MTMR12: variants seen among roughly 807,000 people sequenced by gnomAD.
MTMR12 encodes myotubularin-related protein 12.
A neutral mutation model predicts 96.7 loss-of-function variants in MTMR12; 33 were observed. The ratio of observed to expected loss-of-function variants is 0.34; its 90% confidence interval spans 0.26 to 0.46. MTMR12 has a LOEUF of 0.46. MTMR12 is among the 20% of genes least tolerant of loss of function. The pLI is 1.00. For missense variants in MTMR12, 721 were observed against 896.1 expected, an observed-to-expected ratio of 0.80 and a Z score of 2.49; for synonymous variants, 298 against 327.2, an observed-to-expected ratio of 0.91 and a Z score of 0.96.
intron 1 of MTMR12, among the ~76,000 whole-genome samples, chr5:32,282,514 A>C (rs1447832472): frequency 6.6e-6 from 1 of 151,952 alleles, no homozygotes; most frequent in Non-Finnish European, 1.5e-5. Flanking sequence ...TCTGGTTAAC[A>C]CTTCAAAAAA....
intron 13 of MTMR12, among the ~76,000 whole-genome samples, chr5:32,236,732 G>A (rs1261712950): frequency 6.6e-6 from 1 of 150,890 alleles, no homozygotes; most frequent in Non-Finnish European, 1.5e-5. Flanking sequence ...AGCTACTTAA[G>A]AGGCTGAGGC....
Position 32,312,856 on chromosome 5 carries a change from C to G in MTMR12, c.-18G>C. On this transcript the variant is annotated 5_prime_UTR_variant, in exon 1 of 16. Coordinates refer to ENST00000382142, the MANE Select transcript of MTMR12 (RefSeq NM_001040446.3). This position sits in a 1 kb window ranked among gnomAD's most constrained non-coding sequence, Gnocchi z 5.0. ...CCCAGCATACCGCCGCCCTGGGAAG[C>G]AGCGACGCGCGGACGCAGAGGCGGC... The G allele has an allele frequency of 6.6e-7, 1 of 1,516,370 alleles. No homozygotes were observed. The highest frequency in any genetic ancestry group is 8.8e-7 in the Non-Finnish European group (1 of 1,137,220). 93.9% of individuals were successfully genotyped at this position (1,516,370 alleles called of 1,614,324 possible).
chr5:32,307,767 G>A (rs965333171), intron 1 of MTMR12, among the ~76,000 whole-genome samples: 1 of 152,136 alleles, frequency 6.6e-6, no homozygotes, highest in Non-Finnish European at 1.5e-5. Context: ...AGCTCACCGT[G>A]TTTAAAAGCA....
intron 10 of MTMR12, among the ~76,000 whole-genome samples, chr5:32,245,658 C>T (rs1748650274): frequency 6.6e-6 from 1 of 151,942 alleles, no homozygotes; most frequent in Admixed American, 6.6e-5. Flanking sequence ...TGAAACCTTG[C>T]CTCTACTAAA....
chr5:32,229,697 T>C lies in MTMR12; in HGVS notation c.*81A>G. ...TGCCGGGCTAAGGACCCAGCCAGCA[T>C]GAGCTGTAGCGTGACACAAATCCAG... On this transcript the variant is annotated 3_prime_UTR_variant, in exon 16 of 16. Coordinates refer to ENST00000382142, the MANE Select transcript of MTMR12 (RefSeq NM_001040446.3). 1 of 1,358,998 alleles carries C rather than the reference T, an allele frequency of 7.4e-7. No homozygotes were observed. The highest frequency in any genetic ancestry group is 9.7e-7 in the Non-Finnish European group (1 of 1,028,120). 84.2% of individuals were successfully genotyped at this position (1,358,998 alleles called of 1,614,324 possible).
At chr5:32,261,391 T>C (rs1749355582) in intron 7 of MTMR12, among the ~76,000 whole-genome samples, 2 of 152,080 alleles carry the variant, frequency 1.3e-5, no homozygotes, top group African/African-American at 4.8e-5. Flanking sequence ...GCCTTTGCTC[T>C]TACTCCTCCC....
At chr5:32,282,364 T>C (rs1305722482) in intron 1 of MTMR12, among the ~76,000 whole-genome samples, 1 of 151,592 alleles carries the variant, frequency 6.6e-6, no homozygotes, top group African/African-American at 2.4e-5. Context: ...GGGCTTACAG[T>C]GAGCCGAGAT....
chr5:32,271,037 G>C, intron 4 of MTMR12, 90 bp from the exon 5 acceptor site: 3 of 1,387,530 alleles, frequency 2.2e-6, no homozygotes, highest in Non-Finnish European at 2.0e-6. Flanking sequence ...TCAACTTCTA[G>C]GGATACTTCC....
chr5:32,264,409 T>C (rs1749509311), intron 6 of MTMR12, among the ~76,000 whole-genome samples: 1 of 151,800 alleles, frequency 6.6e-6, no homozygotes, highest in Admixed American at 6.6e-5. Flanking sequence ...ATGATGATGA[T>C]AATAGTGCTT....
chr5:32,234,195 C>G (rs528923155), intron 14 of MTMR12, among the ~76,000 whole-genome samples: 39 of 152,272 alleles, frequency 2.6e-4, no homozygotes, highest in African/African-American at 8.9e-4. Flanking sequence ...CGCGAGGCAA[C>G]TGTTGTTTTT....
intron 7 of MTMR12, 160 bp from the exon 8 acceptor site, chr5:32,255,928 T>C (rs1222983618): frequency 1.7e-6 from 1 of 572,062 alleles, no homozygotes; most frequent in Non-Finnish European, 3.1e-6. Flanking sequence ...GCTTTCGGTG[T>C]GGCGTGAAGT....
At chr5:32,299,493 G>C (rs991415900) in intron 1 of MTMR12, among the ~76,000 whole-genome samples, 15 of 152,326 alleles carry the variant, frequency 9.8e-5, no homozygotes, top group Admixed American at 7.8e-4. Flanking sequence ...CAGCTGCAGA[G>C]ACACATGGCA....
intron 3 of MTMR12, 24 bp from the exon 4 acceptor site, chr5:32,271,929 CTG>C (rs1316349540): frequency 7.4e-7 from 1 of 1,353,076 alleles, no homozygotes. Flanking sequence ...AAGGAAACAA[CTG>C]TGACTCCTCT....
At chr5:32,264,965 C>T (rs950358788) in intron 6 of MTMR12, among the ~76,000 whole-genome samples, 1 of 151,560 alleles carries the variant, frequency 6.6e-6, no homozygotes, top group Non-Finnish European at 1.5e-5. Flanking sequence ...CCCCTCCAAA[C>T]CCCACCAAAA....
intron 2 of MTMR12, among the ~76,000 whole-genome samples, chr5:32,275,348 C>T (rs1561784870): frequency 2.0e-5 from 3 of 152,148 alleles, no homozygotes. Context: ...GTGTCTCTGC[C>T]AAGTCCATGG....
At chr5:32,238,677 T>C (rs1032519110) in intron 13 of MTMR12, among the ~76,000 whole-genome samples, 8 of 152,218 alleles carry the variant, frequency 5.3e-5, no homozygotes, top group African/African-American at 1.9e-4. Context: ...GTAGAAAAGG[T>C]AGGAGTCTCC....
At chr5:32,291,529 C>T (rs1476768240) in intron 1 of MTMR12, among the ~76,000 whole-genome samples, 2 of 152,166 alleles carry the variant, frequency 1.3e-5, no homozygotes, top group Admixed American at 6.5e-5. Flanking sequence ...ATATTTATAT[C>T]TTCATGTGAG....
intron 15 of MTMR12, 75 bp from the exon 16 acceptor site, chr5:32,230,422 A>C (rs1747951120): frequency 2.2e-6 from 3 of 1,360,264 alleles, no homozygotes; most frequent in African/African-American, 2.9e-5. Context: ...CATAACAAAA[A>C]GAGCATAACC....
rs555832164 is a variant in MTMR12 at position 32,288,581 on chromosome 5, C to G, written c.82-11839G>C. Among the ~76,000 whole-genome samples, 11 of 152,256 alleles carry G rather than the reference C, an allele frequency of 7.2e-5. No individual in the cohort carries two copies. In the East Asian group the frequency reaches 2.1e-3, roughly 29 times the overall value. ...TTCTCTAATTTATATAAACAGAAAT[C>G]TGGAGAATAGGCATGGGAATGGATA... On this transcript the variant is annotated intron_variant, in intron 1 of 15. Transcript: ENST00000382142.
Sources: gnomAD v4.1 joint callset for allele counts (sites outside exome capture counted in the v4.1 genomes callset) on GRCh38, gnomAD v4.1.1 for gene constraint, Gnocchi (gnomAD v3.1) non-coding constraint, MANE v1.5 for transcripts, NCBI Gene and HGNC (gene_info 2026-07-23, HGNC 2026-07-21) for gene names.